The following SLF1 variants were observed in gnomAD, a reference collection of about 807,000 sequenced individuals.
SLF1 encodes the protein SMC5-SMC6 complex localization factor protein 1.
In SLF1, 105 loss-of-function variants were observed where a neutral mutation model predicts 123.0. The observed-to-expected ratio is 0.85, with a 90% CI of 0.73 to 1.00. The LOEUF (loss-of-function observed/expected upper bound fraction) is 1.00, where lower values mean the gene tolerates loss of function less well. SLF1 is among the 50% of genes least tolerant of loss of function. The probability of loss-of-function intolerance (pLI) is 0.00; values close to 1 mark genes in which losing one functional copy is unlikely to be tolerated. For synonymous variants in SLF1, 434 were observed against 406.6 expected, an observed-to-expected ratio of 1.07 and a Z score of -0.81; for missense variants, 1,239 against 1,223.0, an observed-to-expected ratio of 1.01 and a Z score of -0.20.
intron 4 of SLF1, among the ~76,000 whole-genome samples, chr5:94,638,552 CAT>C (rs1052954533): frequency 2.6e-5 from 4 of 152,336 alleles, no homozygotes; most frequent in East Asian, 3.9e-4. Flanking sequence ...TGAGGTGACA[CAT>C]GAGTGGACTT....
At position 94,678,920 on chromosome 5, in the gene SLF1, A is replaced by C. The variant is rs761895383; in HGVS notation, c.1940A>C (p.Asp647Ala). The C allele has an allele frequency of 6.2e-7, 1 of 1,613,622 alleles. No homozygotes were observed. Among genetic ancestry groups the C allele is most frequent in the Non-Finnish European group, 8.5e-7 (1 of 1,179,760 alleles). ...MGRNVMRHMS[D>A]DLGSYVSLSC... is the part of the protein sequence containing the mutation. ...AGAAATGTGATGCGACACATGTCTG[A>C]TGACTTAGGAAGTTATGTTTCTCTT... is the stretch of plus-strand genomic sequence containing the variant. Residue 647 changes from aspartate (D) to alanine (A), a missense_variant, in exon 15 of 21, where the codon GAT becomes GCT. Transcript: ENST00000265140.
At chr5:94,692,436 A>T (rs550337138) in intron 20 of SLF1, among the ~76,000 whole-genome samples, 180 bp downstream of exon 20, 2 of 152,236 alleles carry the variant, frequency 1.3e-5, no homozygotes, top group Non-Finnish European at 2.9e-5. Context: ...ATTAGAGATA[A>T]AATCCTTTTC....
chr5:94,656,295 C>G (rs1748371655), intron 9 of SLF1, among the ~76,000 whole-genome samples: 1 of 151,778 alleles, frequency 6.6e-6, no homozygotes, highest in South Asian at 2.1e-4. Context: ...TCATAGTGTA[C>G]ACTTGATCAT....
chr5:94,665,801 A>G (rs1000605487), intron 11 of SLF1, 60 bp from the exon 12 acceptor site: 9 of 1,414,438 alleles, frequency 6.4e-6, no homozygotes, highest in Non-Finnish European at 5.8e-6. Context: ...AGACTGAATT[A>G]GAGAGTCAAA....
intron 14 of SLF1, among the ~76,000 whole-genome samples, chr5:94,671,864 T>G (rs1750503145): frequency 6.6e-6 from 1 of 152,030 alleles, no homozygotes; most frequent in Non-Finnish European, 1.5e-5. Flanking sequence ...GAGATATTTT[T>G]AAAAGATGTT....
chr5:94,688,881 A>C (rs547656421), intron 17 of SLF1, among the ~76,000 whole-genome samples: 1 of 152,252 alleles, frequency 6.6e-6, no homozygotes, highest in South Asian at 2.1e-4. Context: ...AAAACTGCTC[A>C]TCAAATTATT....
In SLF1 at chr5:94,663,927, A is replaced by ACTGTC; in HGVS notation, c.1368+19_1368+20insCTGTC. 1 of 1,455,806 alleles carries ACTGTC rather than the reference A, an allele frequency of 6.9e-7. No individual in the cohort carries two copies. The highest frequency in any genetic ancestry group is 9.1e-7 in the Non-Finnish European group (1 of 1,102,042). 90.2% of individuals were successfully genotyped at this position (1,455,806 alleles called of 1,614,324 possible). A position where few individuals can be genotyped will look rare whatever the true frequency, so the allele number is the denominator to read the frequency against. Reference sequence around the variant, plus strand: ...TCTACAGGTAAGAGCAGCCTTAAGGATTTATAATCTTTTTTTCAAAGAATG... The same window carrying ACTGTC: ...TCTACAGGTAAGAGCAGCCTTAAGGACTGTCTTTATAATCTTTTTTTCAAAGAATG... On this transcript the variant is annotated intron_variant, in intron 11 of 20. Coordinates refer to ENST00000265140, the MANE Select transcript of SLF1 (RefSeq NM_032290.4).
intron 20 of SLF1, among the ~76,000 whole-genome samples, chr5:94,692,826 T>C (rs983765098): frequency 1.1e-4 from 17 of 152,196 alleles, no homozygotes; most frequent in Non-Finnish European, 1.6e-4. Context: ...GGAGGTAACT[T>C]GAGCTGAATA....
chr5:94,639,584 C>G (rs1746215921), intron 4 of SLF1, among the ~76,000 whole-genome samples: 1 of 152,042 alleles, frequency 6.6e-6, no homozygotes, highest in Non-Finnish European at 1.5e-5. Flanking sequence ...GGAGTGCTGA[C>G]CCCCTGTGCA....
In SLF1 at chr5:94,686,580, T is replaced by C. The variant is rs1183222726; in HGVS notation, c.1983T>C (p.Ser661=). 2.5e-6 allele frequency: 4 copies of C among 1,613,714 alleles called. No homozygotes were observed. In the African/African-American group the frequency reaches 5.3e-5, roughly 22 times the overall value. The change falls in exon 16 of 21, where the codon TCT becomes TCC. Residue 661 remains serine (S), a synonymous_variant. Transcript: ENST00000265140. ...TTACCTTATGTTCTCCAGACTTTTCTTCACAGGAATTAGAGATTTTCATTT... is the reference window on the plus strand; with the variant it reads ...TTACCTTATGTTCTCCAGACTTTTCCTCACAGGAATTAGAGATTTTCATTT... The part of the protein sequence containing the change: ...SYVSLSCDDF[S]SQELEIFICS...
intron 9 of SLF1, among the ~76,000 whole-genome samples, chr5:94,660,383 T>C (rs866021381): frequency 2.6e-5 from 4 of 152,206 alleles, no homozygotes; most frequent in Admixed American, 6.5e-5. Flanking sequence ...AGGCCTGTTA[T>C]CAGGCCTCTT....
intron 1 of SLF1, among the ~76,000 whole-genome samples, chr5:94,625,752 A>G (rs1792180513): frequency 6.6e-6 from 1 of 152,214 alleles, no homozygotes; most frequent in Non-Finnish European, 1.5e-5. Context: ...AAATAATGAA[A>G]GCATTTCTCC....
intron 14 of SLF1, among the ~76,000 whole-genome samples, chr5:94,673,691 TAAAAAAA>T (rs35649653): frequency 8.4e-6 from 1 of 119,754 alleles, no homozygotes; most frequent in Non-Finnish European, 1.7e-5. Context: ...CCTTGTCTCT[TAAAAAAA>T]AAAAAAAAAA....
Position 94,626,351 on chromosome 5 carries a change from T to C in SLF1, c.1-2460T>C, listed in dbSNP as rs543564686. Among the ~76,000 whole-genome samples, 129 of 152,306 alleles carry C rather than the reference T, an allele frequency of 8.5e-4. 2 individuals are homozygous for C. Among genetic ancestry groups the C allele is most frequent in the Admixed American group, 4.8e-3 (73 of 15,302 alleles). ...TACTGATGATAGTGTTTCGTGTATATGATTAATTTTTCATAAGAGACCAAT... is the reference window on the plus strand; with the variant it reads ...TACTGATGATAGTGTTTCGTGTATACGATTAATTTTTCATAAGAGACCAAT... On this transcript the variant is annotated intron_variant, in intron 1 of 20. Transcript: ENST00000265140.
At chr5:94,674,815 G>A (rs1399632865) in intron 14 of SLF1, among the ~76,000 whole-genome samples, 2 of 152,300 alleles carry the variant, frequency 1.3e-5, no homozygotes, top group Admixed American at 6.5e-5. Context: ...GGTTATGGAG[G>A]AGGTACAATT....
chr5:94,632,232 C>T (rs1178659274), intron 4 of SLF1, among the ~76,000 whole-genome samples: 3 of 152,154 alleles, frequency 2.0e-5, no homozygotes, highest in Non-Finnish European at 2.9e-5. Flanking sequence ...TCTGGACTTC[C>T]TGTTTGGTTC....
At chr5:94,663,696 A>C (rs1749402892) in intron 10 of SLF1, 54 bp from the exon 11 acceptor site, 1 of 1,331,962 alleles carries the variant, frequency 7.5e-7, no homozygotes, top group African/African-American at 1.5e-5. Flanking sequence ...TCATGATTTG[A>C]TTGCAAAATT....
At chr5:94,668,477 G>C (rs1750072280) in intron 12 of SLF1, among the ~76,000 whole-genome samples, 1 of 152,110 alleles carries the variant, frequency 6.6e-6, no homozygotes, top group Non-Finnish European at 1.5e-5. Context: ...GGGATTACAG[G>C]CATGCGCCAC....
At chr5:94,628,508 T>G (rs774613545) in intron 1 of SLF1, among the ~76,000 whole-genome samples, 8 of 152,244 alleles carry the variant, frequency 5.3e-5, no homozygotes, top group Non-Finnish European at 1.2e-4. Flanking sequence ...TATCATTTTC[T>G]GAAGAAGTAT....
Sources: gnomAD v4.1 joint callset for allele counts (sites outside exome capture counted in the v4.1 genomes callset) on GRCh38, gnomAD v4.1.1 for gene constraint, MANE v1.5 for transcripts, NCBI Gene and HGNC (gene_info 2026-07-23, HGNC 2026-07-21) for gene names.